The following TNRC6C variants were observed in gnomAD, a reference collection of about 807,000 sequenced individuals.
TNRC6C encodes the protein trinucleotide repeat containing adaptor 6C.
In TNRC6C, 20 loss-of-function variants were observed where a neutral mutation model predicts 153.7. The ratio of observed to expected loss-of-function variants is 0.13; its 90% CI spans 0.09 to 0.19. The LOEUF (loss-of-function observed/expected upper bound fraction) is 0.19. Ranked by LOEUF, TNRC6C falls within the 10% of genes least tolerant of loss-of-function variation. The pLI is 1.00. For synonymous variants in TNRC6C, 811 were observed against 841.4 expected (o/e 0.96, Z 0.63); for missense variants, 1,987 against 2,172.0 (o/e 0.91, Z 1.69).
chr17:78,069,176 A>G (rs1040638693), intron 5 of TNRC6C, among the ~76,000 whole-genome samples: 5 of 152,104 alleles, frequency 3.3e-5, no homozygotes, highest in African/African-American at 1.2e-4. Flanking sequence ...GAGAGGGCCA[A>G]TCCCCTGATA....
At position 78,079,409 on chromosome 17, in the gene TNRC6C, T is replaced by C. The variant is rs1396293044; in HGVS notation, c.3225T>C (p.Asn1075=). Residue 1075 remains asparagine (N), a synonymous_variant, in exon 10 of 20, where the codon AAT becomes AAC. Transcript: ENST00000301624. The surrounding 1 kb of genome is among the most constrained non-coding windows in gnomAD (Gnocchi z 4.3). ...TCCCTGTGCAGATACCGAGTGGCAA[T>C]CTGGGTATGTTTGGCAATAGTGGAG... 4 of 1,613,852 alleles carry C rather than the reference T, an allele frequency of 2.5e-6. No homozygotes were observed. Among genetic ancestry groups the C allele is most frequent in the Non-Finnish European group, 3.4e-6 (4 of 1,179,828 alleles).
At chr17:78,063,167 C>T (rs1362635229) in intron 3 of TNRC6C, among the ~76,000 whole-genome samples, 2 of 151,544 alleles carry the variant, frequency 1.3e-5, no homozygotes, top group East Asian at 3.9e-4. Context: ...AACCCCTTAA[C>T]CCGGGAGGCG....
intron 9 of TNRC6C, among the ~76,000 whole-genome samples, chr17:78,078,486 A>G (rs1009092048): frequency 5.9e-5 from 9 of 152,222 alleles, no homozygotes; most frequent in Non-Finnish European, 4.4e-5. Context: ...TCCTGTTTGA[A>G]ATGTTGCTAT....
At chr17:77,963,093 G>T (rs1234880645) in intron 1 of TNRC6C, among the ~76,000 whole-genome samples, 1 of 152,156 alleles carries the variant, frequency 6.6e-6, no homozygotes, top group Non-Finnish European at 1.5e-5. Flanking sequence ...TTTATAAAAT[G>T]ATATACAATA....
chr17:77,964,684 G>A (rs1212904511), intron 1 of TNRC6C, among the ~76,000 whole-genome samples: 4 of 152,196 alleles, frequency 2.6e-5, no homozygotes, highest in East Asian at 1.9e-4. Flanking sequence ...AAATGGCAAC[G>A]CGGGCACAGG....
exon 14 of TNRC6C, chr17:78,091,582 C>G (rs369444379): frequency 1.9e-5 from 30 of 1,575,176 alleles, no homozygotes; most frequent in African/African-American, 1.8e-4. Flanking sequence ...CCGCTTCCCC[C>G]CTGGAGCAGA....
At chr17:78,084,870 G>A (rs1443584033) in intron 11 of TNRC6C, among the ~76,000 whole-genome samples, 1 of 152,106 alleles carries the variant, frequency 6.6e-6, no homozygotes, top group Admixed American at 6.6e-5. Context: ...TACCTCAGGT[G>A]ATCCTCCCGC....
At chr17:78,004,669 G>A (rs77187687), upstream of TNRC6C, among the ~76,000 whole-genome samples, 2 of 152,038 alleles carry the variant, frequency 1.3e-5, no homozygotes, top group Non-Finnish European at 2.9e-5. Context: ...TATTAGTAAA[G>A]ATTAAAAATA....
chr17:78,013,942 T>A (rs1208531117), intron 1 of TNRC6C, among the ~76,000 whole-genome samples: 6 of 152,204 alleles, frequency 3.9e-5, no homozygotes, highest in African/African-American at 1.4e-4. Flanking sequence ...CCTAAGAGAA[T>A]AAGAAGGCTT....
At chr17:77,976,357 T>C (rs896827755) in intron 1 of TNRC6C, among the ~76,000 whole-genome samples, 1 of 152,204 alleles carries the variant, frequency 6.6e-6, no homozygotes, top group Non-Finnish European at 1.5e-5. Context: ...TGCTAGCATA[T>C]AAAATTGAGC....
chr17:78,018,489 C>T (rs2071772036), intron 1 of TNRC6C, among the ~76,000 whole-genome samples: 1 of 152,038 alleles, frequency 6.6e-6, no homozygotes, highest in South Asian at 2.1e-4. Flanking sequence ...AATAGGAACC[C>T]ATTAAATATT....
At chr17:78,012,460 T>A (rs151141821) in intron 1 of TNRC6C, among the ~76,000 whole-genome samples, 1 of 152,294 alleles carries the variant, frequency 6.6e-6, no homozygotes, top group East Asian at 1.9e-4. Context: ...TTTACCTGTG[T>A]AACAAACCTT....
intron 15 of TNRC6C, 178 bp downstream of exon 17, chr17:78,093,302 G>T (rs2073425837): frequency 1.0e-5 from 8 of 776,910 alleles, no homozygotes; most frequent in Non-Finnish European, 1.6e-5. Flanking sequence ...GGTATGGTTA[G>T]CATCAGGCAT....
intron 1 of TNRC6C, among the ~76,000 whole-genome samples, chr17:77,978,306 C>T (rs1372604099): frequency 6.6e-6 from 1 of 152,102 alleles, no homozygotes; most frequent in African/African-American, 2.4e-5. Flanking sequence ...ACTAATATTC[C>T]TCCACATTGG....
chr17:78,071,622 A>C (rs1425415875), intron 6 of TNRC6C, among the ~76,000 whole-genome samples: 1 of 152,204 alleles, frequency 6.6e-6, no homozygotes, highest in South Asian at 2.1e-4. Flanking sequence ...ACCTGGGCTC[A>C]AGCGATCTGC....
chr17:77,958,625 T>C (rs1289055525), upstream of TNRC6C, among the ~76,000 whole-genome samples: 3 of 151,386 alleles, frequency 2.0e-5, no homozygotes, highest in Admixed American at 6.6e-5. Context: ...GACGACTTCC[T>C]GTTGGAGGCC....
intron 1 of TNRC6C, among the ~76,000 whole-genome samples, chr17:77,983,552 A>G (rs994720941): frequency 6.6e-6 from 1 of 152,172 alleles, no homozygotes; most frequent in Non-Finnish European, 1.5e-5. Context: ...GAGGAGTCAC[A>G]TGTTTCAGGA....
rs764396082 is a variant in TNRC6C at position 78,097,729 on chromosome 17, G to A, written c.4307-614G>A. On this transcript the variant is annotated intron_variant, in intron 16 of 19. Transcript: ENST00000301624. ...CACCGCCACCACCTTGCTCAGTGCC[G>A]TGTTTGGTTCTGCAGGGTCCTCCCC... 52 of 1,533,462 alleles carry A rather than the reference G, an allele frequency of 3.4e-5. No individual in the cohort carries two copies. The Middle Eastern group carries it at 1.0e-3, about 30-fold the overall frequency. The allele number at this position is 1,533,462 out of a possible 1,614,324, so 95.0% of individuals were successfully genotyped here. A position where few individuals can be genotyped will look rare whatever the true frequency, so the allele number is the denominator to read the frequency against.
rs1567951200 is a variant in TNRC6C, at chr17:78,071,268, A to G, written c.2859+103A>G. On this transcript the variant is annotated intron_variant, in intron 6 of 19. Transcript: ENST00000301624. ...GTTATGTGTGTCAGAAGACACCAAG[A>G]TTGTTTGAGGAATGAGATATTGACA... The G allele has an allele frequency of 4.3e-6, 5 of 1,171,450 alleles. No homozygotes were observed. In the Admixed American group the frequency reaches 8.2e-5, roughly 19 times the overall value. The allele number at this position is 1,171,450 out of a possible 1,614,324, so 72.6% of individuals were successfully genotyped here.
Sources: gnomAD v4.1 joint callset for allele counts (sites outside exome capture counted in the v4.1 genomes callset) on GRCh38, gnomAD v4.1.1 for gene constraint, Gnocchi (gnomAD v3.1) non-coding constraint, MANE v1.5 for transcripts, NCBI Gene and HGNC (gene_info 2026-07-23, HGNC 2026-07-21) for gene names.